The following TIAM1 variants were observed in gnomAD, a reference collection of about 807,000 sequenced individuals.
TIAM1 encodes the protein TIAM Rac1 associated GEF 1.
In TIAM1, 65 loss-of-function variants were observed where a neutral mutation model predicts 163.5. The ratio of observed to expected loss-of-function variants is 0.40; its 90% CI spans 0.33 to 0.49. TIAM1 has a LOEUF of 0.49. TIAM1 is among the 20% of genes least tolerant of loss of function. The pLI is 0.77. For missense variants in TIAM1, 1,789 were observed against 2,044.7 expected (o/e 0.87, Z 2.41); for synonymous variants, 833 against 810.1 (o/e 1.03, Z -0.48).
intron 2 of TIAM1, among the ~76,000 whole-genome samples, chr21:31,320,722 G>A (rs551253491): frequency 2.0e-5 from 3 of 152,300 alleles, no homozygotes; most frequent in East Asian, 1.9e-4. Flanking sequence ...GGCTGGGCGC[G>A]GCGGCTCACG....
In TIAM1 at chr21:31,187,098, C is replaced by CAA; in HGVS notation, c.2576-13_2576-12dup. 6.2e-7 allele frequency: 1 copy of CAA among 1,613,556 alleles called. No individual in the cohort carries two copies. Among genetic ancestry groups the CAA allele is most frequent in the Non-Finnish European group, 8.5e-7 (1 of 1,179,598 alleles). Reference sequence around the variant, plus strand: ...AAGAAAGTGAAAACCCTGTGAAACACAAAAAGACAGAATGGCAGGGCTCAC... The same window carrying CAA: ...AAGAAAGTGAAAACCCTGTGAAACACAAAAAAAGACAGAATGGCAGGGCTCAC... On this transcript the variant is annotated splice_polypyrimidine_tract_variant and intron_variant, in intron 13 of 27. Coordinates refer to ENST00000541036, the MANE Select transcript of TIAM1 (RefSeq NM_001353694.2).
chr21:31,470,482 T>C (rs929220554), intron 1 of TIAM1, among the ~76,000 whole-genome samples: 5 of 151,900 alleles, frequency 3.3e-5, no homozygotes, highest in African/African-American at 9.7e-5. Flanking sequence ...TACAGGCATA[T>C]GCCACCAGGC....
At chr21:31,439,626 T>A (rs2044348039) in intron 2 of TIAM1, among the ~76,000 whole-genome samples, 1 of 152,136 alleles carries the variant, frequency 6.6e-6, no homozygotes, top group African/African-American at 2.4e-5. Context: ...GATTATAACA[T>A]CCTACGAAAT....
intron 1 of TIAM1, among the ~76,000 whole-genome samples, chr21:31,521,203 G>A (rs926740469): frequency 3.9e-5 from 6 of 152,150 alleles, no homozygotes; most frequent in African/African-American, 1.4e-4. Context: ...CTCTTAATGA[G>A]GTCGGCTTTC....
In TIAM1 at chr21:31,438,168, G is replaced by A. The variant is rs560901774; in HGVS notation, c.-369+25815C>T. Among the ~76,000 whole-genome samples, 22 of 133,622 alleles carry A rather than the reference G, an allele frequency of 1.6e-4. No individual in the cohort carries two copies. In the South Asian group the frequency reaches 2.0e-3, roughly 12 times the overall value. 87.7% of individuals were successfully genotyped at this position (133,622 alleles called of 152,430 possible). A position where few individuals can be genotyped will look rare whatever the true frequency, so the allele number is the denominator to read the frequency against. On this transcript the variant is annotated intron_variant, in intron 2 of 28. Transcript: ENST00000286827. ...AGGCCACACATACATATGTAATTGCGTATTTGTGATCTTTTTTTTTTTTTT... is the reference window on the plus strand; with the variant it reads ...AGGCCACACATACATATGTAATTGCATATTTGTGATCTTTTTTTTTTTTTT...
At chr21:31,195,080 T>G (rs1031378257) in intron 13 of TIAM1, 144 bp downstream of exon 13, 13 of 545,720 alleles carry the variant, frequency 2.4e-5, no homozygotes, top group Non-Finnish European at 3.8e-5. Flanking sequence ...TATTCCCTAG[T>G]GTGGCTGCCC....
intron 2 of TIAM1, among the ~76,000 whole-genome samples, chr21:31,336,184 C>A (rs201256444): frequency 6.6e-6 from 1 of 152,202 alleles, no homozygotes; most frequent in Non-Finnish European, 1.5e-5. Flanking sequence ...TAAGACTCAG[C>A]GCACTGACTC....
At chr21:31,260,158 C>CA (rs1372235733) in intron 4 of TIAM1, among the ~76,000 whole-genome samples, 86 of 142,428 alleles carry the variant, frequency 6.0e-4, no homozygotes, top group African/African-American at 2.0e-3. Flanking sequence ...CTAGGCTGGT[C>CA]AAAAAATATA....
chr21:31,217,169 T>C (rs901156898), intron 9 of TIAM1, among the ~76,000 whole-genome samples: 7 of 150,818 alleles, frequency 4.6e-5, no homozygotes, highest in Admixed American at 1.3e-4. Context: ...ATTGTGCCAC[T>C]GCACTCCAGC....
At chr21:31,459,259 G>A (rs186121208) in intron 2 of TIAM1, among the ~76,000 whole-genome samples, 2 of 152,190 alleles carry the variant, frequency 1.3e-5, no homozygotes, top group East Asian at 3.9e-4. Context: ...CTACAGGCAC[G>A]TGCCACCATG....
intron 1 of TIAM1, among the ~76,000 whole-genome samples, chr21:31,524,163 G>T (rs2047700925): frequency 6.6e-6 from 1 of 152,130 alleles, no homozygotes; most frequent in African/African-American, 2.4e-5. Flanking sequence ...ACCTAAGGCT[G>T]GGTAATTTAT....
At chr21:31,144,908 GATAAT>G (rs1465118747) in intron 20 of TIAM1, among the ~76,000 whole-genome samples, 4 of 148,688 alleles carry the variant, frequency 2.7e-5, no homozygotes, top group Non-Finnish European at 4.5e-5. Flanking sequence ...AGTTTTGAAA[GATAAT>G]ATAATATTTT....
At chr21:31,283,523 CTTTT>C (rs1268330974) in intron 2 of TIAM1, among the ~76,000 whole-genome samples, 1 of 150,598 alleles carries the variant, frequency 6.6e-6, no homozygotes, top group Non-Finnish European at 1.5e-5. Flanking sequence ...TTCTTTCTTT[CTTTT>C]CTTTCCCTTT....
intron 4 of TIAM1, 92 bp from the exon 5 acceptor site, chr21:31,252,281 G>A: frequency 7.2e-7 from 1 of 1,379,760 alleles, no homozygotes; most frequent in Non-Finnish European, 9.8e-7. Context: ...TCCAGCCAGG[G>A]CTCTGTAGCA....
Position 31,252,107 on chromosome 21 carries a change from C to A in TIAM1, c.1046G>T (p.Arg349Leu). The part of the protein sequence containing the change: ...ATTDTDLLSR[R>L]SNATNSSYSP... The stretch of plus-strand genomic sequence containing the variant: ...GTAGCTGGAGTTGGTGGCATTAGAT[C>A]GCCTGGACAGGAGGTCCGTGTCGGT... The change falls in exon 5 of 28, where the codon CGA becomes CTA. Residue 349 changes from arginine (R) to leucine (L), a missense_variant. Arg to Leu is a moderately radical substitution (Grantham distance 102). This residue lies in a region of TIAM1 where 555 missense variants were observed against 564.9 expected (regional missense o/e 0.98). Coordinates refer to ENST00000541036, the MANE Select transcript of TIAM1 (RefSeq NM_001353694.2). The A allele has an allele frequency of 1.2e-6, 2 of 1,613,696 alleles. No individual in the cohort carries two copies. Among genetic ancestry groups the A allele is most frequent in the East Asian group, 2.2e-5 (1 of 44,884 alleles).
At chr21:31,217,742 G>A (rs748423646) in intron 8 of TIAM1, 43 bp from the exon 9 acceptor site, 15 of 1,597,218 alleles carry the variant, frequency 9.4e-6, no homozygotes, top group African/African-American at 1.3e-5. Context: ...AGATGCATCA[G>A]GACCACCCAC....
In TIAM1 at chr21:31,395,424, G is replaced by C. The variant is rs2077048732; in HGVS notation, c.-368-56002C>G. On this transcript the variant is annotated intron_variant, in intron 2 of 28. Coordinates refer to the TIAM1 transcript ENST00000286827. The surrounding 1 kb of genome is among the most constrained non-coding windows in gnomAD (Gnocchi z 7.5). ...GCCGCTGCAGCCATGTGACAATAAGGATGGCTTTCACACCAGAGCAGCAGG... is the reference window on the plus strand; with the variant it reads ...GCCGCTGCAGCCATGTGACAATAAGCATGGCTTTCACACCAGAGCAGCAGG... Among the ~76,000 whole-genome samples, 1 of 152,152 alleles carries C rather than the reference G, an allele frequency of 6.6e-6. No homozygotes were observed. Among genetic ancestry groups the C allele is most frequent in the Non-Finnish European group, 1.5e-5 (1 of 68,036 alleles).
At chr21:31,348,420 C>T (rs568215525), upstream of TIAM1, among the ~76,000 whole-genome samples, 108 of 152,346 alleles carry the variant, frequency 7.1e-4, 1 homozygote, top group African/African-American at 2.1e-3. Context: ...TCTCCTCCTC[C>T]TCCTCGTGTT....
At chr21:31,484,176 C>T (rs894734698) in intron 1 of TIAM1, among the ~76,000 whole-genome samples, 2 of 152,170 alleles carry the variant, frequency 1.3e-5, no homozygotes, top group African/African-American at 4.8e-5. Context: ...TTCCCAGCCA[C>T]CAGAACTGTG....
Sources: gnomAD v4.1 joint callset for allele counts (sites outside exome capture counted in the v4.1 genomes callset) on GRCh38, gnomAD v4.1.1 for gene constraint, gnomAD v4.1.1 regional missense constraint, Gnocchi (gnomAD v3.1) non-coding constraint, MANE v1.5 for transcripts, NCBI Gene and HGNC (gene_info 2026-07-23, HGNC 2026-07-21) for gene names.